Variants in HDLBP observed in about 807,000 individuals in gnomAD.
HDLBP encodes the protein vigilin.
Under a neutral mutation model 137.3 loss-of-function variants are expected in HDLBP, and 30 were observed. That is an observed-to-expected ratio of 0.22 (90% CI 0.16 to 0.30). The LOEUF (loss-of-function observed/expected upper bound fraction) is 0.30. Among genes scored for constraint, HDLBP ranks in the 10% least tolerant of loss-of-function variants. The probability of loss-of-function intolerance (pLI) is 1.00; values close to 1 mark genes in which losing one functional copy is unlikely to be tolerated. For missense variants in HDLBP, 1,119 were observed against 1,667.3 expected (o/e 0.67, Z 5.73); for synonymous variants, 606 against 596.0 (o/e 1.02, Z -0.24).
chr2:241,267,588 T>C, intron 2 of HDLBP: 1 of 1,535,660 alleles, frequency 6.5e-7, no homozygotes, highest in Non-Finnish European at 8.7e-7. Context: ...CTCTTAATGC[T>C]TACAAAATGC....
intron 1 of HDLBP, among the ~76,000 whole-genome samples, chr2:241,286,737 G>A (rs1224832591): frequency 3.9e-5 from 6 of 151,974 alleles, no homozygotes; most frequent in South Asian, 4.2e-4. Flanking sequence ...GATTTCCTGG[G>A]TTTACAATGG....
chr2:241,290,041 C>T (rs1157224519), intron 1 of HDLBP, among the ~76,000 whole-genome samples: 2 of 151,970 alleles, frequency 1.3e-5, no homozygotes, highest in African/African-American at 4.8e-5. Context: ...AGTGAAGCAA[C>T]ACATAGCATA....
intron 5 of HDLBP, among the ~76,000 whole-genome samples, chr2:241,257,110 C>A (rs2072686992): frequency 6.6e-6 from 1 of 151,430 alleles, no homozygotes; most frequent in Non-Finnish European, 1.5e-5. Context: ...GACTGCATAT[C>A]CAGAAACCCT....
intron 1 of HDLBP, among the ~76,000 whole-genome samples, chr2:241,304,439 A>G (rs774443740): frequency 5.3e-5 from 8 of 152,172 alleles, no homozygotes; most frequent in Non-Finnish European, 1.2e-4. Flanking sequence ...ACCCAGCAAG[A>G]GTCTAGACTA....
intron 1 of HDLBP, among the ~76,000 whole-genome samples, chr2:241,308,520 G>T (rs781411624): frequency 6.6e-6 from 1 of 152,188 alleles, no homozygotes; most frequent in Admixed American, 6.5e-5. Context: ...CCAAAGTTCC[G>T]TTTCATTCAC....
intron 1 of HDLBP, among the ~76,000 whole-genome samples, chr2:241,299,397 G>A (rs753806301): frequency 9.4e-5 from 14 of 148,408 alleles, no homozygotes; most frequent in Non-Finnish European, 2.1e-4. Context: ...TGCATCTGTA[G>A]TACCAGCTAC....
intron 1 of HDLBP, among the ~76,000 whole-genome samples, chr2:241,278,583 CAA>C (rs34809445): frequency 2.1e-5 from 3 of 142,782 alleles, no homozygotes; most frequent in Non-Finnish European, 4.6e-5. Context: ...ACTCCATCTC[CAA>C]AAAAAAAAAA....
At position 241,286,640 on chromosome 2, in the gene HDLBP, C is replaced by T. The variant is rs373626618; in HGVS notation, c.-102-18099G>A. 1.2e-4 allele frequency among the ~76,000 whole-genome samples: 18 copies of T among 152,314 alleles called. No homozygotes were observed. The South Asian group carries it at 3.3e-3, about 28-fold the overall frequency. The stretch of plus-strand genomic sequence containing the variant: ...CTGTGCTCTGCCCACCTTGGGCACA[C>T]GTCATCAGGACCTCCTGAGGCTGGG... On this transcript the variant is annotated intron_variant, in intron 1 of 27. Transcript: ENST00000310931.
At position 241,227,864 on chromosome 2, in the gene HDLBP, G is replaced by C. The variant is rs1429196275; in HGVS notation, c.*1737C>G. ...CGTGGAGGTGGAGTAGACAGATCCC[G>C]GGAAAGGCAGGAAAAGGGCCTTGCT... On this transcript the variant is annotated 3_prime_UTR_variant, in exon 28 of 28. Transcript: ENST00000310931. 1 of 152,210 alleles carries C rather than the reference G, an allele frequency of 6.6e-6. No individual in the cohort carries two copies. Among genetic ancestry groups the C allele is most frequent in the African/African-American group, 2.4e-5 (1 of 41,434 alleles). 9.4% of individuals were successfully genotyped at this position (152,210 alleles called of 1,614,324 possible).
At chr2:241,306,490 C>T (rs1334186764) in intron 1 of HDLBP, among the ~76,000 whole-genome samples, 1 of 151,908 alleles carries the variant, frequency 6.6e-6, no homozygotes, top group Non-Finnish European at 1.5e-5. Context: ...AACTCCTGAC[C>T]TCAGGTGATC....
intron 1 of HDLBP, among the ~76,000 whole-genome samples, chr2:241,291,037 A>C (rs2074998971): frequency 6.6e-6 from 1 of 152,222 alleles, no homozygotes; most frequent in Admixed American, 6.5e-5. Flanking sequence ...ACTTATCTGC[A>C]GGAGGGGAAG....
chr2:241,304,486 G>A (rs981957223), intron 1 of HDLBP, among the ~76,000 whole-genome samples: 2 of 152,340 alleles, frequency 1.3e-5, no homozygotes, highest in African/African-American at 2.4e-5. Context: ...AGATGGACTT[G>A]GTCCCAGTGC....
chr2:241,258,896 AG>A (rs2072932464), intron 5 of HDLBP, among the ~76,000 whole-genome samples: 1 of 152,176 alleles, frequency 6.6e-6, no homozygotes, highest in Admixed American at 6.5e-5. Context: ...CTAATTCCTA[AG>A]GAAGGAAATT....
At chr2:241,271,008 C>A (rs1398027081) in intron 1 of HDLBP, 1 of 985,154 alleles carries the variant, frequency 1.0e-6, no homozygotes, top group African/African-American at 1.7e-5. Context: ...CTTCTCAGGG[C>A]CCGGGTCCAC....
chr2:241,294,369 C>T (rs1016973176), intron 1 of HDLBP, among the ~76,000 whole-genome samples: 3 of 152,162 alleles, frequency 2.0e-5, no homozygotes, highest in African/African-American at 2.4e-5. Flanking sequence ...AAAGGAAAAT[C>T]GGCATTGTTT....
chr2:241,272,821 C>A lies in HDLBP; in HGVS notation c.-102-4280G>T. ...TACTCGCCCCCCGCGCGGGAGAAGC[C>A]GGGACGCTCCGAGGCGCGGCGCCCG... On this transcript the variant is annotated intron_variant, in intron 1 of 27. Transcript: ENST00000310931. This position sits in a 1 kb window ranked among gnomAD's most constrained non-coding sequence, Gnocchi z 5.6. 3.6e-6 allele frequency: 1 copy of A among 280,086 alleles called. No individual in the cohort carries two copies. Among genetic ancestry groups the A allele is most frequent in the Non-Finnish European group, 5.4e-6 (1 of 185,760 alleles). 17.4% of individuals were successfully genotyped at this position (280,086 alleles called of 1,614,324 possible).
intron 1 of HDLBP, among the ~76,000 whole-genome samples, chr2:241,289,502 A>G (rs2074939653): frequency 6.6e-6 from 1 of 152,232 alleles, no homozygotes; most frequent in Admixed American, 6.5e-5. Flanking sequence ...AAGTTAGACA[A>G]TGGAGATACC....
intron 7 of HDLBP, among the ~76,000 whole-genome samples, chr2:241,255,929 A>T (rs1025677426): frequency 4.6e-5 from 7 of 152,278 alleles, no homozygotes; most frequent in African/African-American, 1.7e-4. Flanking sequence ...TGTGCATCTG[A>T]CCCGGGGCAG....
intron 1 of HDLBP, among the ~76,000 whole-genome samples, chr2:241,294,618 C>T (rs572753731): frequency 5.9e-5 from 9 of 152,064 alleles, no homozygotes; most frequent in Non-Finnish European, 8.8e-5. Flanking sequence ...GTACACCATG[C>T]CCAACTAATT....
Sources: gnomAD v4.1 joint callset for allele counts (sites outside exome capture counted in the v4.1 genomes callset) on GRCh38, gnomAD v4.1.1 for gene constraint, Gnocchi (gnomAD v3.1) non-coding constraint, MANE v1.5 for transcripts, NCBI Gene and HGNC (gene_info 2026-07-23, HGNC 2026-07-21) for gene names.